Variants in RMND5B observed in about 807,000 individuals in gnomAD.
RMND5B encodes required for meiotic nuclear division 5 homolog B, also known as E3 ubiquitin-protein transferase RMND5B.
In RMND5B, 42 loss-of-function variants were observed where a neutral mutation model predicts 50.4. That is an observed-to-expected ratio of 0.83 (90% CI 0.65 to 1.08). RMND5B has a LOEUF of 1.08. RMND5B is among the 50% of genes least tolerant of loss of function. The pLI is 0.00. For synonymous variants in RMND5B, 220 were observed against 210.0 expected, an observed-to-expected ratio of 1.05 and a Z score of -0.41; for missense variants, 463 against 508.5, an observed-to-expected ratio of 0.91 and a Z score of 0.86.
At chr5:178,134,596 C>G (rs1290650997) in intron 2 of RMND5B, among the ~76,000 whole-genome samples, 2 of 152,180 alleles carry the variant, frequency 1.3e-5, no homozygotes, top group Admixed American at 6.5e-5. Context: ...TTGCTCTAGA[C>G]AGACTGAATT....
At position 178,147,950 on chromosome 5, in the gene RMND5B, G is replaced by A. The variant is rs199689187; in HGVS notation, c.1119-19G>A. On this transcript the variant is annotated intron_variant, in intron 10 of 10. Transcript: ENST00000313386. Reference sequence around the variant, plus strand: ...TACTGGCCACCCCTGAGACGTTCTCGGTTCTCCTCCCTTTGCAGGCTGAAG... The same window carrying A: ...TACTGGCCACCCCTGAGACGTTCTCAGTTCTCCTCCCTTTGCAGGCTGAAG... 23 of 1,614,134 alleles carry A rather than the reference G, an allele frequency of 1.4e-5. No homozygotes were observed. The South Asian group carries it at 1.4e-4, about 10-fold the overall frequency.
In RMND5B at chr5:178,147,984, C is replaced by T. The variant is rs1756128371; in HGVS notation, c.1134C>T (p.Tyr378=). The T allele has an allele frequency of 1.2e-6, 2 of 1,614,048 alleles. No homozygotes were observed. Among genetic ancestry groups the T allele is most frequent in the Non-Finnish European group, 1.7e-6 (2 of 1,180,036 alleles). ...CCCTTTGCAGGCTGAAGTGTCCCTA[C>T]TGTCCCATGGAGCAGAACCCGGCAG... ...LINGGKLKCP[Y]CPMEQNPADG... Residue 378 remains tyrosine, a synonymous_variant, in exon 11 of 11, where the codon TAC becomes TAT. Transcript: ENST00000313386.
Position 178,146,263 on chromosome 5 carries a change from T to TC in RMND5B, c.850dup (p.Leu284ProfsTer2), listed in dbSNP as rs35216626. Reference sequence around the variant, plus strand: ...TTCCCTGCTGGGGCTTTCTGTGGAGTCCCCCCTTAGCGTCAGGTACAACCC... The same window carrying TC: ...TTCCCTGCTGGGGCTTTCTGTGGAGTCCCCCCCTTAGCGTCAGGTACAACCC... On this transcript the variant is annotated frameshift_variant, in exon 8 of 11. Transcript: ENST00000313386. LOFTEE classifies it high-confidence loss of function. 1.9e-6 allele frequency: 3 copies of TC among 1,613,366 alleles called. No homozygotes were observed. The highest frequency in any genetic ancestry group is 2.2e-5 in the East Asian group (1 of 44,838).
chr5:178,134,281 G>A (rs550401342), intron 2 of RMND5B, among the ~76,000 whole-genome samples: 122 of 152,286 alleles, frequency 8.0e-4, no homozygotes, highest in African/African-American at 2.7e-3. Flanking sequence ...TACAGCTTAC[G>A]TACTCTATAC....
rs180956444 is a variant in RMND5B at position 178,149,919 on chromosome 5, G to A, written c.*1887G>A. On this transcript the variant is annotated 3_prime_UTR_variant, in exon 11 of 11. Coordinates refer to ENST00000313386, the MANE Select transcript of RMND5B (RefSeq NM_022762.5). Reference sequence around the variant, plus strand: ...GAAGTCACCAACTGATGACCCACCAGCCTAATCTGGCCCACAACCATGTTC... The same window carrying A: ...GAAGTCACCAACTGATGACCCACCAACCTAATCTGGCCCACAACCATGTTC... The A allele has an allele frequency of 7.8e-5, 114 of 1,457,124 alleles. No homozygotes were observed. The African/African-American group carries it at 1.4e-3, about 18-fold the overall frequency. The allele number at this position is 1,457,124 out of a possible 1,614,324, so 90.3% of individuals were successfully genotyped here.
rs1392289087 is a variant in RMND5B at position 178,147,865 on chromosome 5, A to C, written c.1100A>C (p.Lys367Thr). Residue 367 changes from lysine to threonine, a missense_variant, in exon 10 of 11, where the codon AAG becomes ACG. Transcript: ENST00000313386. The stretch of plus-strand genomic sequence containing the variant: ...GTTATCTCCCGAGATGCACTCAATA[A>C]GCTCATTAATGGAGGAAAGTAAGTT... ...GHVISRDALN[K>T]LINGGKLKCP... 2 of 1,613,944 alleles carry C rather than the reference A, an allele frequency of 1.2e-6. No individual in the cohort carries two copies. Among genetic ancestry groups the C allele is most frequent in the African/African-American group, 2.7e-5 (2 of 74,874 alleles).
rs1223562895 is a variant in RMND5B, at chr5:178,138,357, G to T, written c.139+99G>T. Reference sequence around the variant, plus strand: ...CAGGGTTCCGGAAGGACGATGATGAGGATGTTGGTACCTGCATCTGTAGGC... The same window carrying T: ...CAGGGTTCCGGAAGGACGATGATGATGATGTTGGTACCTGCATCTGTAGGC... On this transcript the variant is annotated intron_variant, in intron 3 of 10. Coordinates refer to ENST00000313386, the MANE Select transcript of RMND5B (RefSeq NM_022762.5). The surrounding 1 kb of genome is among the most constrained non-coding windows in gnomAD (Gnocchi z 5.1). 1 of 1,488,594 alleles carries T rather than the reference G, an allele frequency of 6.7e-7. No homozygotes were observed. The highest frequency in any genetic ancestry group is 9.0e-7 in the Non-Finnish European group (1 of 1,116,062). 92.2% of individuals were successfully genotyped at this position (1,488,594 alleles called of 1,614,324 possible).
At chr5:178,136,972 A>G (rs1437022193) in intron 2 of RMND5B, among the ~76,000 whole-genome samples, 1 of 152,192 alleles carries the variant, frequency 6.6e-6, no homozygotes, top group Non-Finnish European at 1.5e-5. Context: ...TGGGGGAGGC[A>G]GGCCCAGTGA....
intron 4 of RMND5B, 21 bp from the exon 5 acceptor site, chr5:178,142,831 C>G (rs753478363): frequency 6.2e-7 from 1 of 1,614,152 alleles, no homozygotes; most frequent in East Asian, 2.2e-5. Context: ...TCACCAGGCC[C>G]TGTCTCTCCT....
Position 178,150,398 on chromosome 5 carries a change from A to G in RMND5B, c.*2366A>G. 4.0e-6 allele frequency: 1 copy of G among 247,690 alleles called. No homozygotes were observed. The highest frequency in any genetic ancestry group is 1.0e-4 in the East Asian group (1 of 9,772). 15.3% of individuals were successfully genotyped at this position (247,690 alleles called of 1,614,324 possible). ...CCCCAGCCTCTATTTTTTTTTTTTG[A>G]GACAGGGCCTCACTCTGTCATGCAG... is the stretch of plus-strand genomic sequence containing the variant. On this transcript the variant is annotated 3_prime_UTR_variant, in exon 11 of 11. Transcript: ENST00000313386.
chr5:178,142,759 T>C, intron 4 of RMND5B, 31 bp downstream of exon 4: 1 of 1,614,000 alleles, frequency 6.2e-7, no homozygotes, highest in South Asian at 1.1e-5. Context: ...AGGCGTGGGG[T>C]GGGAGCACCC....
chr5:178,142,644 G>T lies in RMND5B; in HGVS notation c.201G>T (p.Lys67Asn). The T allele has an allele frequency of 6.2e-7, 1 of 1,614,234 alleles. No homozygotes were observed. Among genetic ancestry groups the T allele is most frequent in the African/African-American group, 1.3e-5 (1 of 75,054 alleles). The change falls in exon 4 of 11, where the codon AAG (lysine) becomes AAT (asparagine). Residue 67 changes from lysine (K) to asparagine (N), a missense_variant. Lys to Asn is a moderately conservative substitution (Grantham distance 94). Transcript: ENST00000313386. ...LSLVMSQCCR[K>N]IKDTVQKLAS... ...TGGTGATGTCACAGTGCTGCCGGAA[G>T]ATCAAAGATACGGTGCAGAAACTGG...
chr5:178,132,154 A>C (rs1008842694), intron 2 of RMND5B, among the ~76,000 whole-genome samples: 26 of 152,010 alleles, frequency 1.7e-4, no homozygotes, highest in African/African-American at 5.6e-4. Context: ...CGCTCCAAAA[A>C]ATTAGGCTGG....
Position 178,142,866 on chromosome 5 carries a change from G to C in RMND5B, c.300G>C (p.Glu100Asp). 1 of 1,614,230 alleles carries C rather than the reference G, an allele frequency of 6.2e-7. No individual in the cohort carries two copies. The highest frequency in any genetic ancestry group is 8.5e-7 in the Non-Finnish European group (1 of 1,180,048). Residue 100 changes from glutamate to aspartate, a missense_variant, in exon 5 of 11, where the codon GAG becomes GAC. Physicochemically the swap from Glu to Asp is conservative, Grantham distance 45. Transcript: ENST00000313386. ...TCCTTCGTCAGAACTTCGACTCTGA[G>C]ATCTGTGGTGTTGTGTCAGATGCGG... ...GKAIDRNFDS[E>D]ICGVVSDAVW... is the part of the protein sequence containing the mutation.
Position 178,142,644 on chromosome 5 carries a change from G to A in RMND5B, c.201G>A (p.Lys67=). The change falls in exon 4 of 11, where the codon AAG becomes AAA. Residue 67 remains lysine (K), a synonymous_variant. Coordinates refer to ENST00000313386, the MANE Select transcript of RMND5B (RefSeq NM_022762.5). ...TGGTGATGTCACAGTGCTGCCGGAA[G>A]ATCAAAGATACGGTGCAGAAACTGG... ...LSLVMSQCCR[K]IKDTVQKLAS... 6.2e-7 allele frequency: 1 copy of A among 1,614,234 alleles called. No individual in the cohort carries two copies. Among genetic ancestry groups the A allele is most frequent in the Non-Finnish European group, 8.5e-7 (1 of 1,180,034 alleles).
chr5:178,142,581 A>G lies in RMND5B; in HGVS notation c.140-2A>G. The G allele has an allele frequency of 6.2e-7, 1 of 1,608,288 alleles. No individual in the cohort carries two copies. The highest frequency in any genetic ancestry group is 2.2e-5 in the East Asian group (1 of 44,866). ...TGTGTCCTTATTCCACTTTCTCTGC[A>G]GCCCTCCAGGGGACCCCTCTCTCAG... is the stretch of plus-strand genomic sequence containing the variant. On this transcript the variant is annotated splice_acceptor_variant, in intron 3 of 10. Transcript: ENST00000313386. LOFTEE classifies it high-confidence loss of function.
chr5:178,143,499 C>T, intron 5 of RMND5B, 128 bp from the exon 6 acceptor site: 1 of 736,994 alleles, frequency 1.4e-6, no homozygotes, highest in Non-Finnish European at 2.3e-6. Flanking sequence ...TGGCAGGAGA[C>T]CAAGCTCCTC....
intron 2 of RMND5B, chr5:178,135,250 G>A (rs10060446): frequency 0.72 from 163,415 of 226,600 alleles, 59,585 homozygotes; most frequent in Middle Eastern, 0.82. Context: ...GGCTCAAGCA[G>A]TCCTCCGTCC....
intron 2 of RMND5B, among the ~76,000 whole-genome samples, chr5:178,131,881 A>C (rs116739812): frequency 0.021 from 3,184 of 151,590 alleles, 39 homozygotes; most frequent in Middle Eastern, 0.065. Context: ...GAGGTCGGAT[A>C]ATTGGGGTTT....
Sources: allele counts gnomAD v4.1 joint callset (sites outside exome capture counted in the v4.1 genomes callset), GRCh38; gene constraint gnomAD v4.1.1; non-coding constraint Gnocchi (gnomAD v3.1); transcripts MANE v1.5; gene names NCBI Gene and HGNC (gene_info 2026-07-23, HGNC 2026-07-21).